Variants in TENM1 observed in about 807,000 individuals in gnomAD.
TENM1 encodes teneurin-1.
TENM1 carries 35 observed loss-of-function variants against 174.8 expected under a neutral mutation model. The ratio of observed to expected loss-of-function variants is 0.20; its 90% confidence interval spans 0.15 to 0.27. The LOEUF (loss-of-function observed/expected upper bound fraction) is 0.27, where lower values mean the gene tolerates loss of function less well. Among genes scored for constraint, TENM1 ranks in the 10% least tolerant of loss-of-function variants. TENM1 has a pLI of 1.00. For synonymous variants in TENM1, 781 were observed against 798.7 expected (o/e 0.98, Z 0.37); for missense variants, 1,633 against 2,130.1 (o/e 0.77, Z 4.59).
chrX:125,159,962 G>C, the TENM1 span, among the ~76,000 whole-genome samples: 1 of 110,986 alleles, frequency 9.0e-6, no homozygotes, highest in Non-Finnish European at 1.9e-5. Flanking sequence ...CGCTTTGGGA[G>C]GTGGAGGCCG....
chrX:125,125,998 A>T, the TENM1 span, among the ~76,000 whole-genome samples: 4 of 112,035 alleles, frequency 3.6e-5, no homozygotes, highest in South Asian at 3.7e-4. Flanking sequence ...TCCTTATTTT[A>T]AACCAAAATA....
chrX:124,451,718 C>A (rs2061038477), intron 23 of TENM1, among the ~76,000 whole-genome samples: 1 of 111,733 alleles, frequency 8.9e-6, no homozygotes, highest in African/African-American at 3.3e-5. Context: ...AATAATACCA[C>A]ACATCTATAG....
Position 124,529,836 on chromosome X carries a change from A to C in TENM1, c.2771+28T>G. 2.5e-6 allele frequency: 3 copies of C among 1,211,048 alleles called. No individual in the cohort carries two copies. In the South Asian group the frequency reaches 5.3e-5, roughly 21 times the overall value. On this transcript the variant is annotated intron_variant, in intron 16 of 31. Coordinates refer to ENST00000422452, the Ensembl canonical transcript of TENM1. ...GGCTAGAAGTCAGTAATTGGCCCCC[A>C]CAATGATCAGAAACAACATTGACAT...
At chrX:124,718,089 C>A (rs1467047690) in intron 4 of TENM1, among the ~76,000 whole-genome samples, 5 of 112,326 alleles carry the variant, frequency 4.5e-5, no homozygotes, top group Admixed American at 9.5e-5. Flanking sequence ...CCAAATGGGC[C>A]ATTTTTCTTT....
intron 3 of TENM1, among the ~76,000 whole-genome samples, chrX:124,842,802 G>C (rs1390475748): frequency 9.0e-6 from 1 of 110,828 alleles, no homozygotes; most frequent in African/African-American, 3.3e-5. Flanking sequence ...TTCAACATAT[G>C]AGTTTTGGGA....
chrX:124,723,200 C>T (rs1448109193), intron 4 of TENM1, among the ~76,000 whole-genome samples: 2 of 111,864 alleles, frequency 1.8e-5, no homozygotes, highest in Non-Finnish European at 3.8e-5. Context: ...TAGCTCTTAC[C>T]AATTCTTCAA....
intron 1 of TENM1, among the ~76,000 whole-genome samples, chrX:124,950,204 T>G (rs1283768664): frequency 8.9e-6 from 1 of 111,913 alleles, no homozygotes; most frequent in East Asian, 2.8e-4. Context: ...AAAGAGCAAT[T>G]TGAACCCAAA....
chrX:125,113,069 C>A, the TENM1 span, among the ~76,000 whole-genome samples: 1 of 110,615 alleles, frequency 9.0e-6, no homozygotes, highest in African/African-American at 3.3e-5. Context: ...ATAGGGAGTC[C>A]AAAAATATAT....
At chrX:124,906,393 C>T (rs749197731) in intron 1 of TENM1, among the ~76,000 whole-genome samples, 4 of 111,748 alleles carry the variant, frequency 3.6e-5, no homozygotes, top group Admixed American at 1.9e-4. Context: ...TATATATTTG[C>T]GTATAAAGCT....
chrX:124,637,371 A>G (rs2050904687), intron 11 of TENM1, among the ~76,000 whole-genome samples: 1 of 110,571 alleles, frequency 9.0e-6, no homozygotes, highest in South Asian at 3.9e-4. Flanking sequence ...TACAGGTGTG[A>G]GCCACCGCGC....
rs887149730 is a variant in TENM1 at position 124,612,538 on chromosome X, A to T, written c.2077+29253T>A. ...TCCTTCCAGCAGTGTCACCCATCCC[A>T]AACTATGTTGATAACAAGCAAGCCA... On this transcript the variant is annotated intron_variant, in intron 11 of 31. Transcript: ENST00000422452. Among the ~76,000 whole-genome samples, 4 of 111,502 alleles carry T rather than the reference A, an allele frequency of 3.6e-5. No individual in the cohort carries two copies. In the East Asian group the frequency reaches 1.1e-3, roughly 31 times the overall value.
the TENM1 span, among the ~76,000 whole-genome samples, chrX:125,159,195 T>C: frequency 8.9e-6 from 1 of 112,146 alleles, no homozygotes; most frequent in East Asian, 2.8e-4. Flanking sequence ...AAAAAAGCTG[T>C]AGACTCTCAC....
the TENM1 span, among the ~76,000 whole-genome samples, chrX:125,152,790 G>A: frequency 8.9e-6 from 1 of 111,961 alleles, no homozygotes; most frequent in Non-Finnish European, 1.9e-5. Context: ...AGAGAAGGGA[G>A]GAAAGAAAGG....
chrX:124,759,276 G>C (rs1013948477), intron 3 of TENM1, among the ~76,000 whole-genome samples: 1 of 111,280 alleles, frequency 9.0e-6, no homozygotes, highest in African/African-American at 3.3e-5. Flanking sequence ...CCCAAGAATT[G>C]TAGTGTTCTT....
chrX:125,175,422 A>ACAT, the TENM1 span, among the ~76,000 whole-genome samples: 1 of 111,770 alleles, frequency 8.9e-6, no homozygotes, highest in Non-Finnish European at 1.9e-5. Context: ...TATCCAAAAA[A>ACAT]TATTATTATT....
At chrX:125,198,718 T>C in the TENM1 span, among the ~76,000 whole-genome samples, 1 of 111,300 alleles carries the variant, frequency 9.0e-6, no homozygotes, top group Non-Finnish European at 1.9e-5. Flanking sequence ...CAGATTCCCA[T>C]TCTGAATTAG....
At chrX:124,905,970 G>T (rs2057741898) in intron 1 of TENM1, among the ~76,000 whole-genome samples, 1 of 112,173 alleles carries the variant, frequency 8.9e-6, no homozygotes. Context: ...GCATTGAATA[G>T]AATACTCAAA....
chrX:124,911,419 GGTAA>G (rs2057835090), intron 1 of TENM1, among the ~76,000 whole-genome samples: 1 of 111,405 alleles, frequency 9.0e-6, no homozygotes. Context: ...AGGACAAGGA[GGTAA>G]GTAAGTGCCG....
At chrX:124,705,215 C>A in exon 5 of TENM1, 1 of 1,204,638 alleles carries the variant, frequency 8.3e-7, no homozygotes, top group Non-Finnish European at 1.1e-6. Flanking sequence ...CACTGAAGAT[C>A]GCAGAGGAAC....
Sources: gnomAD v4.1 joint callset for allele counts (sites outside exome capture counted in the v4.1 genomes callset) on GRCh38, gnomAD v4.1.1 for gene constraint, MANE v1.5 for transcripts, NCBI Gene and HGNC (gene_info 2026-07-23, HGNC 2026-07-21) for gene names.